The following ARHGAP29 variants were observed in gnomAD, a reference collection of about 807,000 sequenced individuals.
ARHGAP29 encodes the protein Rho GTPase activating protein 29, also known as rho GTPase-activating protein 29.
Under a neutral mutation model 122.6 loss-of-function variants are expected in ARHGAP29, and 43 were observed. The observed-to-expected ratio is 0.35, with a 90% CI of 0.27 to 0.45. The LOEUF is 0.45. Ranked by LOEUF, ARHGAP29 falls within the 20% of genes least tolerant of loss-of-function variation. ARHGAP29 has a pLI of 1.00. For synonymous variants in ARHGAP29, 506 were observed against 497.1 expected (o/e 1.02, Z -0.24); for missense variants, 1,303 against 1,477.2 (o/e 0.88, Z 1.93).
rs766873724 is a variant in ARHGAP29, at chr1:94,205,113, C to A, written c.645G>T (p.Trp215Cys). ...AAACTATGTTCTTAGTATATTTTGA[C>A]CAAGTTTTAGCATATGACAAAGCCA... ...IELALSYAKTWSKYTKNIVSW... is the reference protein window; with the variant it reads ...IELALSYAKTCSKYTKNIVSW... Residue 215 changes from tryptophan (W) to cysteine (C), a missense_variant, in exon 7 of 23, where the codon TGG becomes TGT. Trp to Cys is a radical substitution (Grantham distance 215, BLOSUM62 -2). This residue lies in a region of ARHGAP29 where 592 missense variants were observed against 648.2 expected (regional missense o/e 0.91). Transcript: ENST00000260526. 3.7e-5 allele frequency: 59 copies of A among 1,606,680 alleles called. 1 individual carries two copies. The highest frequency in any genetic ancestry group is 4.9e-5 in the Non-Finnish European group (58 of 1,177,244).
the ARHGAP29 span, among the ~76,000 whole-genome samples, chr1:94,313,515 C>T: frequency 2.0e-5 from 3 of 152,232 alleles, no homozygotes; most frequent in South Asian, 2.1e-4. Flanking sequence ...GAAATAGGAG[C>T]GCTTTTACAC....
At chr1:94,206,631 T>C (rs900465549) in intron 5 of ARHGAP29, among the ~76,000 whole-genome samples, 2 of 152,116 alleles carry the variant, frequency 1.3e-5, no homozygotes, top group Admixed American at 6.5e-5. Flanking sequence ...GTGTGGTGGC[T>C]GATACCTGTA....
chr1:94,201,799 T>C lies in ARHGAP29; in HGVS notation c.1202A>G (p.Asn401Ser). The change falls in exon 12 of 23, where the codon AAT (asparagine) becomes AGT (serine). Residue 401 changes from asparagine to serine, a missense_variant. Transcript: ENST00000260526. ...TTCTCTTTTGGTATTTTCTAGATCA[T>C]TTCTTCTTTCTTCAACATTTGTCAC... The part of the protein sequence containing the change: ...VCVTNVEERR[N>S]DLENTKREIL... 6.2e-7 allele frequency: 1 copy of C among 1,613,798 alleles called. No homozygotes were observed. The highest frequency in any genetic ancestry group is 8.5e-7 in the Non-Finnish European group (1 of 1,179,874).
chr1:94,202,584 A>G lies in ARHGAP29; in HGVS notation c.1103T>C (p.Leu368Pro). The G allele has an allele frequency of 1.2e-6, 2 of 1,614,062 alleles. No homozygotes were observed. Among genetic ancestry groups the G allele is most frequent in the Non-Finnish European group, 1.7e-6 (2 of 1,179,986 alleles). ...GGLAKNLNKQLEKKRRLEEEA... is the reference protein window; with the variant it reads ...GGLAKNLNKQPEKKRRLEEEA... ...CTCTTCCAACCTTCGCTTTTTTTCT[A>G]GTTGCTTGTTGAGATTTTTTGCTAA... The change falls in exon 11 of 23, where the codon CTA becomes CCA. Residue 368 changes from leucine (L) to proline (P), a missense_variant. By Grantham distance (98) the Leu-to-Pro change is moderately conservative (BLOSUM62 -3). Around this residue, in one of 3 missense-constraint regions of ARHGAP29, gnomAD observed 592 missense variants for 648.2 expected, o/e 0.91. Coordinates refer to ENST00000260526, the MANE Select transcript of ARHGAP29 (RefSeq NM_004815.4).
intron 18 of ARHGAP29, among the ~76,000 whole-genome samples, chr1:94,184,647 A>C (rs1649681067): frequency 6.6e-6 from 1 of 151,752 alleles, no homozygotes; most frequent in Non-Finnish European, 1.5e-5. Flanking sequence ...CCAGCTACTC[A>C]GGAGGCTGAA....
chr1:94,276,320 G>A (rs532500496), upstream of ARHGAP29, among the ~76,000 whole-genome samples: 3 of 152,166 alleles, frequency 2.0e-5, no homozygotes, highest in Non-Finnish European at 4.4e-5. Flanking sequence ...TCAGAGCATA[G>A]GATAGGGGAG....
upstream of ARHGAP29, among the ~76,000 whole-genome samples, chr1:94,279,916 C>T (rs1026137072): frequency 1.3e-5 from 2 of 152,222 alleles, no homozygotes; most frequent in Admixed American, 1.3e-4. Context: ...ACAGCATATT[C>T]CTGAAACAGC....
At chr1:94,222,406 G>C (rs1202768768) in intron 2 of ARHGAP29, among the ~76,000 whole-genome samples, 2 of 152,136 alleles carry the variant, frequency 1.3e-5, no homozygotes, top group Non-Finnish European at 2.9e-5. Context: ...CATCAACATT[G>C]ACAAATCACA....
At chr1:94,259,713 T>C (rs940363753) in intron 1 of ARHGAP29, among the ~76,000 whole-genome samples, 4 of 152,188 alleles carry the variant, frequency 2.6e-5, no homozygotes, top group Non-Finnish European at 4.4e-5. Flanking sequence ...TGGGCCTGCC[T>C]TGCCTCCAGA....
In ARHGAP29 at chr1:94,171,631, C is replaced by CA. The variant is rs1553201542; in HGVS notation, c.*2237dup. On this transcript the variant is annotated 3_prime_UTR_variant, in exon 23 of 23. Coordinates refer to ENST00000260526, the MANE Select transcript of ARHGAP29 (RefSeq NM_004815.4). ...TCCTCTAGAAATAGCAACCTCTTCT[C>CA]AAGAGATACTTGCCTCAGGGCCCCA... 6.6e-6 allele frequency: 1 copy of CA among 152,196 alleles called. No individual in the cohort carries two copies. The highest frequency in any genetic ancestry group is 1.5e-5 in the Non-Finnish European group (1 of 68,050). 9.4% of individuals were successfully genotyped at this position (152,196 alleles called of 1,614,324 possible). A position where few individuals can be genotyped will look rare whatever the true frequency, so the allele number is the denominator to read the frequency against.
the ARHGAP29 span, among the ~76,000 whole-genome samples, chr1:94,292,028 A>G: frequency 6.6e-6 from 1 of 152,254 alleles, no homozygotes; most frequent in East Asian, 1.9e-4. Flanking sequence ...GTTCTCCTGG[A>G]TAATATCCTG....
At chr1:94,233,461 G>C (rs1291852795) in intron 1 of ARHGAP29, among the ~76,000 whole-genome samples, 4 of 151,930 alleles carry the variant, frequency 2.6e-5, no homozygotes, top group African/African-American at 7.3e-5. Context: ...CTTTCCTAAT[G>C]ATCTATCTGC....
At chr1:94,176,342 A>G (rs1649093362) in intron 22 of ARHGAP29, among the ~76,000 whole-genome samples, 1 of 152,234 alleles carries the variant, frequency 6.6e-6, no homozygotes, top group African/African-American at 2.4e-5. Flanking sequence ...TAAACACTGG[A>G]AAGTGACATT....
chr1:94,189,444 T>A (rs1650004656), intron 13 of ARHGAP29, 92 bp from the exon 14 acceptor site: 1 of 1,358,254 alleles, frequency 7.4e-7, no homozygotes, highest in African/African-American at 1.5e-5. Context: ...AATCTATTAA[T>A]TTAACAATCA....
chr1:94,205,586 A>G, intron 6 of ARHGAP29, 49 bp downstream of exon 6: 1 of 1,516,544 alleles, frequency 6.6e-7, no homozygotes, highest in South Asian at 1.2e-5. Flanking sequence ...CATTCATAGA[A>G]AGTAACTACA....
At chr1:94,268,399 C>T (rs75801363) in intron 1 of ARHGAP29, among the ~76,000 whole-genome samples, 3,988 of 152,220 alleles carry the variant, frequency 0.026, 180 homozygotes, top group African/African-American at 0.092. Flanking sequence ...ACTCCTGCCA[C>T]ATCCCCCCAG....
Position 94,170,284 on chromosome 1 carries a change from A to C in ARHGAP29, c.*3585T>G, listed in dbSNP as rs182821663. On this transcript the variant is annotated 3_prime_UTR_variant, in exon 23 of 23. Coordinates refer to ENST00000260526, the MANE Select transcript of ARHGAP29 (RefSeq NM_004815.4). Reference sequence around the variant, plus strand: ...CCTGGCATGACACATTTGAGTATAGAGCATCATTTCTGTAGTATTGGACAA... The same window carrying C: ...CCTGGCATGACACATTTGAGTATAGCGCATCATTTCTGTAGTATTGGACAA... 6.6e-6 allele frequency among the ~76,000 whole-genome samples: 1 copy of C among 152,340 alleles called. No individual in the cohort carries two copies. Among genetic ancestry groups the C allele is most frequent in the African/African-American group, 2.4e-5 (1 of 41,562 alleles).
upstream of ARHGAP29, chr1:94,237,876 G>A (rs998926697): frequency 8.1e-5 from 43 of 530,278 alleles, no homozygotes; most frequent in Non-Finnish European, 9.9e-5. Flanking sequence ...CAGATGAGCA[G>A]CTACATTTCT....
the ARHGAP29 span, among the ~76,000 whole-genome samples, chr1:94,313,814 A>G: frequency 3.1e-3 from 470 of 152,322 alleles, 1 homozygote; most frequent in African/African-American, 0.011. Flanking sequence ...AGATGAGTTC[A>G]TGTCTTTGCA....
Sources: gnomAD v4.1 joint callset for allele counts (sites outside exome capture counted in the v4.1 genomes callset) on GRCh38, gnomAD v4.1.1 for gene constraint, gnomAD v4.1.1 regional missense constraint, MANE v1.5 for transcripts, NCBI Gene and HGNC (gene_info 2026-07-23, HGNC 2026-07-21) for gene names.